Variants in NT5C2 observed in about 807,000 individuals in gnomAD.
NT5C2 encodes the protein cytosolic purine 5'-nucleotidase.
In NT5C2, 58 loss-of-function variants were observed where a neutral mutation model predicts 76.1. That is an observed-to-expected ratio of 0.76 (90% confidence interval 0.62 to 0.95). The LOEUF (loss-of-function observed/expected upper bound fraction) is 0.95. Ranked by LOEUF, NT5C2 falls within the 40% of genes least tolerant of loss-of-function variation. The pLI is 0.00. For synonymous variants in NT5C2, 229 were observed against 237.4 expected, an observed-to-expected ratio of 0.96 and a Z score of 0.32; for missense variants, 478 against 690.3, an observed-to-expected ratio of 0.69 and a Z score of 3.45.
chr10:103,122,056 C>A (rs897016167), intron 4 of NT5C2, among the ~76,000 whole-genome samples: 1 of 152,126 alleles, frequency 6.6e-6, no homozygotes, highest in Non-Finnish European at 1.5e-5. Context: ...CGCCTGTAAT[C>A]CCAGCTACTT....
intron 6 of NT5C2, 80 bp from the exon 7 acceptor site, chr10:103,101,406 C>G: frequency 6.1e-6 from 5 of 822,104 alleles, no homozygotes. Flanking sequence ...CAAAAATTAA[C>G]TCAAATATTT....
chr10:103,151,409 AGCCAAGATTAC>A, intron 3 of NT5C2, among the ~76,000 whole-genome samples: 1 of 151,564 alleles, frequency 6.6e-6, no homozygotes, highest in East Asian at 1.9e-4. Flanking sequence ...GGTTGCGGTG[AGCCAAGATTAC>A]GCCACTGCAC....
intron 3 of NT5C2, among the ~76,000 whole-genome samples, chr10:103,168,916 C>T (rs1158163064): frequency 6.6e-6 from 1 of 152,100 alleles, no homozygotes; most frequent in East Asian, 1.9e-4. Context: ...ATTACCAATC[C>T]AAATAAATGT....
intron 14 of NT5C2, 109 bp downstream of exon 14, chr10:103,093,863 A>C (rs1262052891): frequency 1.4e-5 from 11 of 792,142 alleles, no homozygotes; most frequent in Non-Finnish European, 1.9e-5. Context: ...TCAGTAGATG[A>C]CATCTTAGAC....
rs560294458 is a variant in NT5C2 at position 103,117,066 on chromosome 10, A to G, written c.176-10360T>C. Among the ~76,000 whole-genome samples the G allele has an allele frequency of 7.9e-5, 12 of 152,278 alleles. No homozygotes were observed. The East Asian group carries it at 2.3e-3, about 29-fold the overall frequency. The stretch of plus-strand genomic sequence containing the variant: ...AATAAAACAGTGTAACCACTGAGAA[A>G]AATTTTTAAATAAGGGACGACACCA... On this transcript the variant is annotated intron_variant, in intron 4 of 18. Coordinates refer to ENST00000404739, the MANE Select transcript of NT5C2 (RefSeq NM_001351169.2).
At chr10:103,182,483 A>T (rs2091245496) in intron 1 of NT5C2, among the ~76,000 whole-genome samples, 1 of 151,988 alleles carries the variant, frequency 6.6e-6, no homozygotes, top group African/African-American at 2.4e-5. Flanking sequence ...AAAAATATAA[A>T]AAGTAGCCAG....
At chr10:103,151,976 G>A (rs1014398029) in intron 3 of NT5C2, among the ~76,000 whole-genome samples, 3 of 152,058 alleles carry the variant, frequency 2.0e-5, no homozygotes, top group African/African-American at 7.2e-5. Context: ...GGGTAATATA[G>A]GTCCCTCCAA....
At chr10:103,139,767 T>C (rs2080037916) in intron 3 of NT5C2, among the ~76,000 whole-genome samples, 1 of 152,188 alleles carries the variant, frequency 6.6e-6, no homozygotes, top group African/African-American at 2.4e-5. Context: ...TACAAGTACT[T>C]AAAATCTATT....
chr10:103,137,370 T>C (rs1284606304), intron 4 of NT5C2, among the ~76,000 whole-genome samples: 1 of 152,082 alleles, frequency 6.6e-6, no homozygotes, highest in Non-Finnish European at 1.5e-5. Flanking sequence ...GAAAAACAAA[T>C]AAATGACAAA....
chr10:103,125,999 C>T (rs1285203168), intron 4 of NT5C2, among the ~76,000 whole-genome samples: 2 of 152,058 alleles, frequency 1.3e-5, no homozygotes, highest in African/African-American at 4.8e-5. Flanking sequence ...TTGTTTTGTC[C>T]TGGGGTTAGC....
chr10:103,118,598 T>A (rs2074950250), intron 4 of NT5C2, among the ~76,000 whole-genome samples: 1 of 152,092 alleles, frequency 6.6e-6, no homozygotes. Flanking sequence ...AAGCAATCCA[T>A]CTGCCTCGGC....
intron 3 of NT5C2, chr10:103,153,317 A>G: frequency 1.6e-6 from 2 of 1,282,232 alleles, no homozygotes; most frequent in Non-Finnish European, 2.0e-6. Flanking sequence ...TCAAAGATCT[A>G]CTTCCTCTGG....
At chr10:103,125,432 A>C in intron 4 of NT5C2, 1 of 246,998 alleles carries the variant, frequency 4.0e-6, no homozygotes, top group South Asian at 4.8e-5. Context: ...TGGCGTGGAA[A>C]GATGATGGAA....
chr10:103,134,176 AC>A (rs1338015698), intron 4 of NT5C2, among the ~76,000 whole-genome samples: 4 of 152,204 alleles, frequency 2.6e-5, no homozygotes, highest in Non-Finnish European at 5.9e-5. Flanking sequence ...TGCATAAGTA[AC>A]AAAGAGCCTA....
At chr10:103,137,079 G>A (rs1195315381) in intron 4 of NT5C2, among the ~76,000 whole-genome samples, 1 of 152,168 alleles carries the variant, frequency 6.6e-6, no homozygotes, top group African/African-American at 2.4e-5. Flanking sequence ...TAAAGAGATT[G>A]TCTTAATAAC....
At chr10:103,134,748 C>G (rs1002377365) in intron 4 of NT5C2, among the ~76,000 whole-genome samples, 3 of 152,182 alleles carry the variant, frequency 2.0e-5, no homozygotes, top group African/African-American at 7.2e-5. Context: ...CCACAGACAC[C>G]CAACACCAGC....
intron 6 of NT5C2, among the ~76,000 whole-genome samples, chr10:103,103,746 C>A (rs976628470): frequency 1.1e-4 from 17 of 152,304 alleles, no homozygotes; most frequent in South Asian, 4.1e-4. Flanking sequence ...TTAGCAAAGC[C>A]TGATGGAGTC....
At chr10:103,160,423 G>T (rs1469363239) in intron 3 of NT5C2, among the ~76,000 whole-genome samples, 1 of 152,110 alleles carries the variant, frequency 6.6e-6, no homozygotes, top group East Asian at 1.9e-4. Context: ...AATAACATGT[G>T]TTTCAAAGGA....
intron 3 of NT5C2, chr10:103,169,222 C>T (rs1297241502): frequency 6.6e-6 from 1 of 152,036 alleles, no homozygotes; most frequent in African/African-American, 2.4e-5. Flanking sequence ...AACTTGTACA[C>T]CATAAATACA....
Sources: allele counts gnomAD v4.1 joint callset (sites outside exome capture counted in the v4.1 genomes callset), GRCh38; gene constraint gnomAD v4.1.1; transcripts MANE v1.5; gene names NCBI Gene and HGNC (gene_info 2026-07-23, HGNC 2026-07-21).